Variants in UNC80 observed in about 807,000 individuals in gnomAD.
UNC80 encodes unc-80 subunit of NALCN channel complex.
UNC80 carries 164 observed loss-of-function variants against 384.6 expected under a neutral mutation model. The observed-to-expected ratio is 0.43, with a 90% CI of 0.38 to 0.49. The LOEUF is 0.49. Among genes scored for constraint, UNC80 ranks in the 20% least tolerant of loss-of-function variants. The probability of loss-of-function intolerance (pLI) is 0.00; values close to 1 mark genes in which losing one functional copy is unlikely to be tolerated. For missense variants in UNC80, 3,330 were observed against 4,143.0 expected (o/e 0.80, Z 5.39); for synonymous variants, 1,486 against 1,527.8 (o/e 0.97, Z 0.64).
intron 51 of UNC80, among the ~76,000 whole-genome samples, chr2:209,966,936 C>G (rs2092757834): frequency 6.6e-6 from 1 of 152,142 alleles, no homozygotes; most frequent in Non-Finnish European, 1.5e-5. Flanking sequence ...ACCAAGAGCA[C>G]TTTTTATAGG....
intron 4 of UNC80, among the ~76,000 whole-genome samples, chr2:209,781,538 C>T (rs2153824936): frequency 6.6e-6 from 1 of 152,276 alleles, no homozygotes; most frequent in East Asian, 1.9e-4. Flanking sequence ...ATGCCCTCTT[C>T]TTGAAAGGTT....
intron 51 of UNC80, among the ~76,000 whole-genome samples, chr2:209,963,795 G>A (rs1203895198): frequency 6.6e-6 from 1 of 152,198 alleles, no homozygotes; most frequent in Non-Finnish European, 1.5e-5. Flanking sequence ...GGAATTAAGA[G>A]ACAATAACTA....
chr2:209,906,300 T>C (rs897178308), intron 29 of UNC80, among the ~76,000 whole-genome samples: 1 of 152,188 alleles, frequency 6.6e-6, no homozygotes, highest in Admixed American at 6.5e-5. Flanking sequence ...ATTGAAGAAA[T>C]TTTTAATAAT....
rs1034606588 is a variant in UNC80, at chr2:209,849,366, T to C, written c.3455-85T>C. The stretch of plus-strand genomic sequence containing the variant: ...CTGGCCAACACTGTAGAAAACACAC[T>C]GTTATATCTTTGAAACTCTTTTTAA... On this transcript the variant is annotated intron_variant, in intron 21 of 64. Transcript: ENST00000673920. The C allele has an allele frequency of 4.8e-6, 7 of 1,451,310 alleles. No homozygotes were observed. In the African/African-American group the frequency reaches 1.0e-4, roughly 21 times the overall value. The allele number at this position is 1,451,310 out of a possible 1,614,324, so 89.9% of individuals were successfully genotyped here.
rs1366904323 is a variant in UNC80, at chr2:209,847,711, GAAGA to G, written c.3455-1737_3455-1734del. ...TTGGTAATCTTGTCAAATAAAAATTGAAGAAATTTGTGAAATACATATTCTTCAT... is the reference window on the plus strand; with the variant it reads ...TTGGTAATCTTGTCAAATAAAAATTGAATTTGTGAAATACATATTCTTCAT... On this transcript the variant is annotated intron_variant, in intron 21 of 64. Coordinates refer to ENST00000673920, the MANE Select transcript of UNC80 (RefSeq NM_001371986.1). Among the ~76,000 whole-genome samples, 3 of 151,890 alleles carry G rather than the reference GAAGA, an allele frequency of 2.0e-5. No individual in the cohort carries two copies. In the East Asian group the frequency reaches 5.8e-4, roughly 29 times the overall value.
In UNC80 at chr2:209,775,937, G is replaced by C; in HGVS notation, c.190G>C (p.Ala64Pro). The change falls in exon 3 of 65, where the codon GCT becomes CCT. Residue 64 changes from alanine to proline, a missense_variant. Around this residue, in one of 8 missense-constraint regions of UNC80, gnomAD observed 86 missense variants for 141.5 expected, o/e 0.61. Transcript: ENST00000673920. ...AAACAAGCTGCATGGCCTCTCTCCA[G>C]CTCTCTCTGAAGCCATCCAGAGCAT... Reference protein sequence around the residue: ...VENKLHGLSPALSEAIQSISR... With the variant: ...VENKLHGLSPPLSEAIQSISR... The C allele has an allele frequency of 1.2e-6, 2 of 1,614,076 alleles. No individual in the cohort carries two copies. The highest frequency in any genetic ancestry group is 1.7e-6 in the Non-Finnish European group (2 of 1,180,000).
chr2:209,772,851 A>C (rs1033078172), intron 1 of UNC80, among the ~76,000 whole-genome samples: 1 of 152,204 alleles, frequency 6.6e-6, no homozygotes, highest in Non-Finnish European at 1.5e-5. Flanking sequence ...AAATCTTAGA[A>C]GTCTTCAGAT....
intron 47 of UNC80, 21 bp from the exon 48 acceptor site, chr2:209,954,079 T>C: frequency 1.3e-6 from 2 of 1,539,088 alleles, no homozygotes; most frequent in East Asian, 2.5e-5. Context: ...GGTGACTCGG[T>C]TTTCTTTCTG....
At chr2:209,884,306 G>T (rs1299282642) in intron 25 of UNC80, among the ~76,000 whole-genome samples, 1 of 152,172 alleles carries the variant, frequency 6.6e-6, no homozygotes, top group Non-Finnish European at 1.5e-5. Flanking sequence ...CCCATCAAAT[G>T]CATAGATGAG....
intron 58 of UNC80, among the ~76,000 whole-genome samples, chr2:209,977,739 A>G (rs2093049155): frequency 6.6e-6 from 1 of 152,198 alleles, no homozygotes; most frequent in Admixed American, 6.5e-5. Context: ...ACATTATTCT[A>G]AAGGTATTCT....
chr2:209,980,900 A>G (rs997337914), intron 59 of UNC80, among the ~76,000 whole-genome samples: 6 of 152,232 alleles, frequency 3.9e-5, no homozygotes, highest in Admixed American at 1.3e-4. Flanking sequence ...CTGTAGAAAT[A>G]GCTGAATCTA....
chr2:209,879,347 C>T (rs1559251458), intron 24 of UNC80, among the ~76,000 whole-genome samples: 1 of 152,200 alleles, frequency 6.6e-6, no homozygotes, highest in Non-Finnish European at 1.5e-5. Flanking sequence ...TAAATGCGTG[C>T]ATCCTCCTAG....
rs550268755 is a variant in UNC80, at chr2:209,941,411, C to T, written c.6837C>T (p.Thr2279=). Residue 2279 remains threonine (T), a synonymous_variant, in exon 44 of 65, where the codon ACC becomes ACT. Transcript: ENST00000673920. The part of the protein sequence containing the change: ...DSALLRQYAA[T]VINTAVHFNH... ...CCCTGCTCAGGCAGTATGCTGCCAC[C>T]GTCATCAACACCGCGGTGCACTTCA... 61 of 1,550,864 alleles carry T rather than the reference C, an allele frequency of 3.9e-5. No homozygotes were observed. In the African/African-American group the frequency reaches 7.1e-4, roughly 18 times the overall value.
intron 5 of UNC80, 93 bp from the exon 6 acceptor site, chr2:209,789,439 A>T: frequency 1.2e-6 from 1 of 847,498 alleles, no homozygotes; most frequent in Non-Finnish European, 1.9e-6. Flanking sequence ...ATGTTCTATT[A>T]AAATAGCTTT....
chr2:209,816,829 C>A, intron 9 of UNC80, 80 bp from the exon 10 acceptor site: 2 of 1,281,822 alleles, frequency 1.6e-6, no homozygotes, highest in South Asian at 1.3e-5. Context: ...TATTTTACTG[C>A]AGATCATGGA....
intron 21 of UNC80, 47 bp downstream of exon 21, chr2:209,842,493 G>A: frequency 7.3e-7 from 1 of 1,360,578 alleles, no homozygotes; most frequent in Non-Finnish European, 1.0e-6. Flanking sequence ...TTATCACACA[G>A]AACAAAAACT....
intron 7 of UNC80, among the ~76,000 whole-genome samples, chr2:209,804,491 G>A (rs1275177124): frequency 2.0e-5 from 3 of 151,868 alleles, no homozygotes; most frequent in Non-Finnish European, 2.9e-5. Flanking sequence ...TTTTCCTCTT[G>A]TACTGTCTCT....
chr2:209,930,965 C>T lies in UNC80; in HGVS notation c.5908-3C>T, dbSNP rs1321525892. On this transcript the variant is annotated splice_polypyrimidine_tract_variant and splice_region_variant and intron_variant, in intron 37 of 64. Transcript: ENST00000673920. Reference sequence around the variant, plus strand: ...AACATTAAAAATTCTGTTCTTCTTTCAGGATGAGTTAATGTACATGCTGCG... The same window carrying T: ...AACATTAAAAATTCTGTTCTTCTTTTAGGATGAGTTAATGTACATGCTGCG... 1.1e-5 allele frequency: 17 copies of T among 1,537,766 alleles called. No homozygotes were observed. The South Asian group carries it at 2.0e-4, about 18-fold the overall frequency.
rs796509289 is a variant in UNC80, at chr2:209,950,561, C to CT, written c.7287-3524dup. Among the ~76,000 whole-genome samples, 664 of 135,720 alleles carry CT rather than the reference C, an allele frequency of 4.9e-3. 4 individuals carry two copies. Among genetic ancestry groups the CT allele is most frequent in the East Asian group, 0.029 (138 of 4,718 alleles). The allele number at this position is 135,720 out of a possible 152,430, so 89.0% of individuals were successfully genotyped here. A position where few individuals can be genotyped will look rare whatever the true frequency, so the allele number is the denominator to read the frequency against. On this transcript the variant is annotated intron_variant, in intron 47 of 64. Transcript: ENST00000673920. Reference sequence around the variant, plus strand: ...TATCTTTATTATTTTCTACCTTTGGCTTTTTTTTTTTTTTTAACGGAGTTT... The same window carrying CT: ...TATCTTTATTATTTTCTACCTTTGGCTTTTTTTTTTTTTTTTAACGGAGTTT...
Sources: allele counts gnomAD v4.1 joint callset (sites outside exome capture counted in the v4.1 genomes callset), GRCh38; gene constraint gnomAD v4.1.1; regional missense constraint gnomAD v4.1.1; transcripts MANE v1.5; gene names NCBI Gene and HGNC (gene_info 2026-07-23, HGNC 2026-07-21).